VWF: variants seen among roughly 807,000 people sequenced by gnomAD.
VWF encodes von Willebrand factor.
Under a neutral mutation model 308.6 loss-of-function variants are expected in VWF, and 176 were observed. The observed-to-expected ratio is 0.57, with a 90% CI of 0.50 to 0.65. VWF has a LOEUF of 0.65. VWF is among the 30% of genes least tolerant of loss of function. The pLI, the probability that VWF is intolerant of heterozygous loss-of-function variation, is 0.00. For synonymous variants in VWF, 1,385 were observed against 1,443.4 expected (o/e 0.96, Z 0.92); for missense variants, 3,146 against 3,648.2 (o/e 0.86, Z 3.55).
chr12:6,027,319 C>T (rs1472781025), intron 22 of VWF, among the ~76,000 whole-genome samples: 2 of 152,226 alleles, frequency 1.3e-5, no homozygotes, highest in Non-Finnish European at 2.9e-5. Context: ...CCCCTAGATA[C>T]TGGCATGACT....
rs748199230 is a variant in VWF at position 5,994,434 on chromosome 12, T to C, written c.6237A>G (p.Ser2079=). 4 of 1,614,192 alleles carry C rather than the reference T, an allele frequency of 2.5e-6. No individual in the cohort carries two copies. The highest frequency in any genetic ancestry group is 4.5e-5 in the East Asian group (2 of 44,880). The change falls in exon 36 of 52, where the codon TCA becomes TCG. Residue 2079 remains serine, a synonymous_variant. Transcript: ENST00000261405. ...TCTTACCACACAGACCATACGTCTTTGAAGCAAAAGTCTTGGGGCTGAGCT... is the reference window on the plus strand; with the variant it reads ...TCTTACCACACAGACCATACGTCTTCGAAGCAAAAGTCTTGGGGCTGAGCT... ...QLQLSPKTFA[S]KTYGLCGICD...
At chr12:5,972,123 A>T (rs940022151) in intron 43 of VWF, among the ~76,000 whole-genome samples, 1 of 152,184 alleles carries the variant, frequency 6.6e-6, no homozygotes, top group Non-Finnish European at 1.5e-5. Context: ...AGCCTCCCAT[A>T]CAAGACGAAC....
chr12:5,969,556 C>T (rs943303873), intron 44 of VWF, among the ~76,000 whole-genome samples, 165 bp from the exon 45 acceptor site: 2 of 152,240 alleles, frequency 1.3e-5, no homozygotes, highest in Non-Finnish European at 2.9e-5. Context: ...GAGTGGGGCT[C>T]GTCTCAGTGA....
Position 6,044,799 on chromosome 12 carries a change from G to A in VWF, c.2282-348C>T, listed in dbSNP as rs71582891. On this transcript the variant is annotated intron_variant, in intron 17 of 51. Transcript: ENST00000261405. Reference sequence around the variant, plus strand: ...CCAGGCTTGAAAAGACCTGAGTTTGGGTGCTAAAAAGGAGTTTTAATGGAC... The same window carrying A: ...CCAGGCTTGAAAAGACCTGAGTTTGAGTGCTAAAAAGGAGTTTTAATGGAC... 6.1e-3 allele frequency among the ~76,000 whole-genome samples: 922 copies of A among 152,256 alleles called. 5 individuals carry two copies. The highest frequency in any genetic ancestry group is 0.014 in the Middle Eastern group (4 of 294).
chr12:5,994,558 A>G lies in VWF; in HGVS notation c.6113T>C (p.Met2038Thr), dbSNP rs768011948. Residue 2038 changes from methionine (M) to threonine (T), a missense_variant, in exon 36 of 52, where the codon ATG (methionine) becomes ACG (threonine). Met to Thr is a moderately conservative substitution (Grantham distance 81). Around this residue, in one of 3 missense-constraint regions of VWF, gnomAD observed 989 missense variants for 1,117.4 expected, o/e 0.89. Transcript: ENST00000261405. ...LVSVPYVGGN[M>T]EVNVYGAIMH... Reference sequence around the variant, plus strand: ...GATGGCACCATAAACGTTGACTTCCATGTTCCCACCCACGTAAGGAACAGA... The same window carrying G: ...GATGGCACCATAAACGTTGACTTCCGTGTTCCCACCCACGTAAGGAACAGA... 3.1e-6 allele frequency: 5 copies of G among 1,613,894 alleles called. No homozygotes were observed. The highest frequency in any genetic ancestry group is 1.3e-5 in the African/African-American group (1 of 74,918).
rs556088923 is a variant in VWF at position 6,035,310 on chromosome 12, C to T, written c.2547-484G>A. Among the ~76,000 whole-genome samples, 9 of 152,352 alleles carry T rather than the reference C, an allele frequency of 5.9e-5. No individual in the cohort carries two copies. In the East Asian group the frequency reaches 1.7e-3, roughly 29 times the overall value. ...ATGAAGTACGCACTTCTGCCAGGAG[C>T]AGTCCTGTGTGCATAGCTACACGTT... On this transcript the variant is annotated intron_variant, in intron 19 of 51. Coordinates refer to ENST00000261405, the MANE Select transcript of VWF (RefSeq NM_000552.5).
intron 42 of VWF, among the ~76,000 whole-genome samples, chr12:5,978,939 G>A (rs1191368345): frequency 6.6e-6 from 1 of 152,156 alleles, no homozygotes; most frequent in Non-Finnish European, 1.5e-5. Flanking sequence ...AAGCAAGAAA[G>A]CTACGAAAGA....
At position 6,057,945 on chromosome 12, in the gene VWF, G is replaced by C. The variant is rs1486623931; in HGVS notation, c.1633C>G (p.Arg545Gly). 3 of 1,613,694 alleles carry C rather than the reference G, an allele frequency of 1.9e-6. No individual in the cohort carries two copies. The highest frequency in any genetic ancestry group is 2.5e-6 in the Non-Finnish European group (3 of 1,180,014). The change falls in exon 14 of 52, where the codon CGG becomes GGG. Residue 545 changes from arginine to glycine, a missense_variant. Physicochemically the swap from Arg to Gly is moderately radical, Grantham distance 125. Coordinates refer to ENST00000261405, the MANE Select transcript of VWF (RefSeq NM_000552.5). Reference protein sequence around the residue: ...FLTPSGLAEPRVEDFGNAWKL... With the variant: ...FLTPSGLAEPGVEDFGNAWKL... ...CAGGCGTTCCCGAAGTCCTCCACCC[G>C]GGGCTCCGCCAGCCCAGAGGGGGTA...
rs542786639 is a variant in VWF, at chr12:6,110,345, T to C, written c.532+29A>G. ...GGAAATAAAAAGCATGGCCACACTT[T>C]AGGGAAATGGTATCCCAGAACATCT... is the stretch of plus-strand genomic sequence containing the variant. On this transcript the variant is annotated intron_variant, in intron 5 of 51. Coordinates refer to ENST00000261405, the MANE Select transcript of VWF (RefSeq NM_000552.5). 6.3e-5 allele frequency: 101 copies of C among 1,610,372 alleles called. 2 individuals are homozygous for C. In the South Asian group the frequency reaches 1.0e-3, roughly 16 times the overall value.
At chr12:6,018,186 G>T (rs985962849) in intron 28 of VWF, among the ~76,000 whole-genome samples, 179 bp downstream of exon 28, 2 of 151,874 alleles carry the variant, frequency 1.3e-5, no homozygotes, top group Non-Finnish European at 2.9e-5. Flanking sequence ...ATCACAGTTT[G>T]TCTCCCTGCC....
At chr12:6,005,751 C>T (rs1444633187) in intron 34 of VWF, among the ~76,000 whole-genome samples, 1 of 152,164 alleles carries the variant, frequency 6.6e-6, no homozygotes, top group Non-Finnish European at 1.5e-5. Context: ...GCCAAGAATA[C>T]TCTGTCTAGC....
intron 42 of VWF, among the ~76,000 whole-genome samples, chr12:5,980,204 T>TAGGGAGGGAGGGAGGG (rs1943588727): frequency 6.1e-5 from 1 of 16,404 alleles, no homozygotes; most frequent in Non-Finnish European, 1.2e-4. Context: ...GGAAGTGACG[T>TAGGGAGGGAGGGAGGG]AGGTAGGTAG....
Position 5,976,160 on chromosome 12 carries a change from A to G in VWF, c.7388T>C (p.Leu2463Pro). ...CTTCTGGGAGCACTGGGCCACGCGGAGGCCCATCACGGCATCCTCCATGTC... is the reference window on the plus strand; with the variant it reads ...CTTCTGGGAGCACTGGGCCACGCGGGGGCCCATCACGGCATCCTCCATGTC... ...CTDMEDAVMG[L>P]RVAQCSQKPC... The change falls in exon 43 of 52, where the codon CTC becomes CCC. Residue 2463 changes from leucine (L) to proline (P), a missense_variant. Physicochemically the swap from Leu to Pro is moderately conservative, Grantham distance 98. This residue lies in a region of VWF where 989 missense variants were observed against 1,117.4 expected (regional missense o/e 0.89). Coordinates refer to ENST00000261405, the MANE Select transcript of VWF (RefSeq NM_000552.5). The G allele has an allele frequency of 6.2e-7, 1 of 1,614,092 alleles. No homozygotes were observed. The highest frequency in any genetic ancestry group is 1.3e-5 in the African/African-American group (1 of 75,050).
chr12:5,984,025 C>T (rs202214720), intron 40 of VWF, among the ~76,000 whole-genome samples: 11,153 of 113,238 alleles, frequency 0.098, 478 homozygotes, highest in African/African-American at 0.15. Flanking sequence ...GATAGACAGA[C>T]AGACAGACAG....
intron 34 of VWF, among the ~76,000 whole-genome samples, chr12:6,000,681 G>A (rs1217228529): frequency 6.6e-6 from 1 of 151,538 alleles, no homozygotes; most frequent in East Asian, 1.9e-4. Context: ...GCGTGGTGGC[G>A]GGCGCCTGTA....
rs573289245 is a variant in VWF at position 5,949,162 on chromosome 12, G to A, written c.8295C>T (p.Asn2765=). Residue 2765 remains asparagine, a synonymous_variant, in exon 52 of 52, where the codon AAC becomes AAT. Coordinates refer to ENST00000261405, the MANE Select transcript of VWF (RefSeq NM_000552.5). ...ASKAMYSIDI[N]DVQDQCSCCS... ...AGCAGGAGCACTGGTCCTGCACATC[G>A]TTGATGTCAATGGAGTACATGGCTT... The A allele has an allele frequency of 2.2e-5, 35 of 1,614,268 alleles. No individual in the cohort carries two copies. The highest frequency in any genetic ancestry group is 9.9e-5 in the South Asian group (9 of 91,086).
intron 15 of VWF, among the ~76,000 whole-genome samples, chr12:6,053,277 C>T (rs1944539715): frequency 1.3e-5 from 2 of 152,190 alleles, no homozygotes; most frequent in South Asian, 2.1e-4. Flanking sequence ...CTTGCTCTTA[C>T]GTGGGCTCTA....
chr12:6,021,194 GCCCCT>G (rs1324298043), intron 27 of VWF: 1 of 152,604 alleles, frequency 6.6e-6, no homozygotes, highest in East Asian at 1.9e-4. Context: ...TGTGACCATA[GCCCCT>G]CCCCAGCGAA....
Position 6,046,751 on chromosome 12 carries a change from A to C in VWF, c.2253T>G (p.Ala751=), listed in dbSNP as rs779264540. 1.9e-6 allele frequency: 3 copies of C among 1,614,050 alleles called. No homozygotes were observed. The African/African-American group carries it at 4.0e-5, about 22-fold the overall frequency. The change falls in exon 17 of 52, where the codon GCT becomes GCG. Residue 751 remains alanine, a synonymous_variant. Coordinates refer to ENST00000261405, the MANE Select transcript of VWF (RefSeq NM_000552.5). The surrounding 1 kb of genome is among the most constrained non-coding windows in gnomAD (Gnocchi z 5.0). The stretch of plus-strand genomic sequence containing the variant: ...GATGAGACAGGGGACTGCTGAGGAC[A>C]GCGTCAGGCAGCAAGCTTCCGGGGA... The part of the protein sequence containing the change: ...SGVPGSLLPD[A]VLSSPLSHRS...
Sources: allele counts gnomAD v4.1 joint callset (sites outside exome capture counted in the v4.1 genomes callset), GRCh38; gene constraint gnomAD v4.1.1; regional missense constraint gnomAD v4.1.1; non-coding constraint Gnocchi (gnomAD v3.1); transcripts MANE v1.5; gene names NCBI Gene and HGNC (gene_info 2026-07-23, HGNC 2026-07-21).